Variants in NEDD8 observed in about 807,000 individuals in gnomAD.
NEDD8 encodes ubiquitin-like protein NEDD8.
NEDD8 carries 1 observed loss-of-function variant against 13.8 expected under a neutral mutation model. The observed-to-expected ratio is 0.07, with a 90% CI of 0.03 to 0.34. NEDD8 has a LOEUF of 0.34. NEDD8 is among the 10% of genes least tolerant of loss of function. The probability of loss-of-function intolerance (pLI) is 0.99; values close to 1 mark genes in which losing one functional copy is unlikely to be tolerated. For missense variants in NEDD8, 10 were observed against 95.2 expected (o/e 0.10, Z 3.73); for synonymous variants, 31 against 33.2 (o/e 0.93, Z 0.23).
intron 1 of NEDD8, among the ~76,000 whole-genome samples, chr14:24,219,380 G>T (rs1019827329): frequency 1.3e-5 from 2 of 149,346 alleles, no homozygotes; most frequent in Non-Finnish European, 3.0e-5. Context: ...CTATTTGGGA[G>T]GCTGAGGTGG....
At chr14:24,223,533 AG>A (rs1566666706) in intron 1 of NEDD8, among the ~76,000 whole-genome samples, 1 of 152,098 alleles carries the variant, frequency 6.6e-6, no homozygotes, top group East Asian at 1.9e-4. Context: ...CATACTTAAA[AG>A]TTTTTTATAT....
At chr14:24,226,066 C>T (rs1006575325) in intron 1 of NEDD8, among the ~76,000 whole-genome samples, 7 of 145,360 alleles carry the variant, frequency 4.8e-5, no homozygotes, top group Non-Finnish European at 1.1e-4. Flanking sequence ...TGAACCTAAA[C>T]CTAACATACT....
intron 1 of NEDD8, among the ~76,000 whole-genome samples, chr14:24,224,283 C>T (rs916679404): frequency 9.9e-5 from 15 of 152,082 alleles, no homozygotes; most frequent in African/African-American, 3.4e-4. Flanking sequence ...ATGCTGGTCT[C>T]GAACTCCTGA....
chr14:24,223,021 G>A lies in NEDD8; in HGVS notation c.19-4590C>T, dbSNP rs189786161. 3.5e-4 allele frequency among the ~76,000 whole-genome samples: 53 copies of A among 150,444 alleles called. No homozygotes were observed. In the East Asian group the frequency reaches 5.4e-3, roughly 15 times the overall value. On this transcript the variant is annotated intron_variant, in intron 1 of 3. Coordinates refer to ENST00000250495, the MANE Select transcript of NEDD8 (RefSeq NM_006156.3). ...GAATCGCCTGAACCCAGGAGGCGGA[G>A]GTTACGGTGAGCTGAGATCATGCCA...
rs987121962 is a variant in NEDD8 at position 24,216,946 on chromosome 14, G to A, written c.*181C>T. ...CAGGACTGCAAACTAACACCCAGTAGCCAGCAAGGGCCCTCTGGGCCAGGA... is the reference window on the plus strand; with the variant it reads ...CAGGACTGCAAACTAACACCCAGTAACCAGCAAGGGCCCTCTGGGCCAGGA... On this transcript the variant is annotated 3_prime_UTR_variant, in exon 4 of 4. Coordinates refer to ENST00000250495, the MANE Select transcript of NEDD8 (RefSeq NM_006156.3). The A allele has an allele frequency of 3.4e-6, 2 of 591,728 alleles. No homozygotes were observed. The highest frequency in any genetic ancestry group is 2.2e-5 in the South Asian group (1 of 44,576). 36.7% of individuals were successfully genotyped at this position (591,728 alleles called of 1,614,324 possible).
At chr14:24,229,052 T>C (rs145193646) in intron 1 of NEDD8, among the ~76,000 whole-genome samples, 128 of 152,288 alleles carry the variant, frequency 8.4e-4, no homozygotes, top group Admixed American at 6.9e-3. Context: ...ATTCAAAGTG[T>C]AGCTCTCAGA....
chr14:24,217,843 C>A, intron 3 of NEDD8: 1 of 310,554 alleles, frequency 3.2e-6, no homozygotes, highest in Non-Finnish European at 5.9e-6. Context: ...TTAGACCTAC[C>A]ATTAGATCTT....
intron 3 of NEDD8, chr14:24,217,693 A>G (rs2039733298): frequency 5.9e-6 from 1 of 169,454 alleles, no homozygotes; most frequent in Non-Finnish European, 1.3e-5. Flanking sequence ...CTGAAATTTA[A>G]CATTTCTTCT....
chr14:24,219,607 CGT>C (rs2039767912), intron 1 of NEDD8, among the ~76,000 whole-genome samples: 1 of 151,954 alleles, frequency 6.6e-6, no homozygotes, highest in African/African-American at 2.4e-5. Context: ...TGTCTTCTTC[CGT>C]AAGTTAAGGG....
intron 1 of NEDD8, among the ~76,000 whole-genome samples, chr14:24,229,240 G>A (rs1238271514): frequency 6.6e-6 from 1 of 152,032 alleles, no homozygotes; most frequent in Non-Finnish European, 1.5e-5. Context: ...TTTATTTTTT[G>A]AGACAGTCTC....
At position 24,217,968 on chromosome 14, in the gene NEDD8, G is replaced by GA; in HGVS notation, c.149+164dup. ...ATTCTATATATTTTGTTTTATGCCT[G>GA]AAAAAATCTTATTCTGAGAAGGGGC... On this transcript the variant is annotated intron_variant, in intron 3 of 3. Transcript: ENST00000250495. 4.4e-6 allele frequency: 3 copies of GA among 675,790 alleles called. 1 individual carries two copies. The highest frequency in any genetic ancestry group is 6.5e-5 in the Admixed American group (2 of 30,816). 41.9% of individuals were successfully genotyped at this position (675,790 alleles called of 1,614,324 possible). A position where few individuals can be genotyped will look rare whatever the true frequency, so the allele number is the denominator to read the frequency against.
intron 1 of NEDD8, among the ~76,000 whole-genome samples, chr14:24,221,771 A>AT (rs1218823286): frequency 6.6e-6 from 1 of 150,794 alleles, no homozygotes; most frequent in Non-Finnish European, 1.5e-5. Flanking sequence ...CTAATTTTGT[A>AT]TTTTTAGTAG....
At chr14:24,230,755 T>C (rs1213692392) in intron 1 of NEDD8, among the ~76,000 whole-genome samples, 3 of 151,314 alleles carry the variant, frequency 2.0e-5, no homozygotes, top group Admixed American at 2.0e-4. Flanking sequence ...GTAGCTGGGA[T>C]TATAGGCGCC....
At position 24,218,352 on chromosome 14, in the gene NEDD8, A is replaced by AAGT. The variant is rs1465720988; in HGVS notation, c.66+29_66+31dup. ...TATGCAAACAAATACACATGGCAAGAAGTACATGAAGAGGAGTTGGGCATG... is the reference window on the plus strand; with the variant it reads ...TATGCAAACAAATACACATGGCAAGAAGTAGTACATGAAGAGGAGTTGGGCATG... On this transcript the variant is annotated intron_variant, in intron 2 of 3. Transcript: ENST00000250495. 5 of 1,614,124 alleles carry AAGT rather than the reference A, an allele frequency of 3.1e-6. No homozygotes were observed. In the Admixed American group the frequency reaches 8.3e-5, roughly 27 times the overall value.
At chr14:24,227,710 A>G (rs1312121268) in intron 1 of NEDD8, 2 of 152,254 alleles carry the variant, frequency 1.3e-5, no homozygotes, top group Non-Finnish European at 2.9e-5. Flanking sequence ...CCATAGAGAC[A>G]AGGTAACAAG....
chr14:24,232,240 G>A lies in NEDD8; in HGVS notation c.18+10C>T. The A allele has an allele frequency of 2.5e-6, 4 of 1,614,106 alleles. No homozygotes were observed. The highest frequency in any genetic ancestry group is 3.4e-6 in the Non-Finnish European group (4 of 1,180,002). ...CTACTGCGTCTTGGCAAGGCTGGAG[G>A]TGCTCCCACCTTCACTTTAATTAGC... On this transcript the variant is annotated intron_variant, in intron 1 of 3. Transcript: ENST00000250495.
intron 1 of NEDD8, chr14:24,226,788 T>C (rs548901756): frequency 3.3e-5 from 5 of 152,334 alleles, no homozygotes; most frequent in African/African-American, 1.2e-4. Context: ...AGTTTCTTTT[T>C]AAAGTTACAT....
At position 24,217,050 on chromosome 14, in the gene NEDD8, A is replaced by G. The variant is rs1048022917; in HGVS notation, c.*77T>C. 1.6e-5 allele frequency: 19 copies of G among 1,167,512 alleles called. No homozygotes were observed. The highest frequency in any genetic ancestry group is 2.4e-5 in the Non-Finnish European group (19 of 802,608). 72.3% of individuals were successfully genotyped at this position (1,167,512 alleles called of 1,614,324 possible). A position where few individuals can be genotyped will look rare whatever the true frequency, so the allele number is the denominator to read the frequency against. On this transcript the variant is annotated 3_prime_UTR_variant, in exon 4 of 4. Transcript: ENST00000250495. Reference sequence around the variant, plus strand: ...GCATCCAGGGGAGGGGGCAGTGGCTATGGTGTCCCAGAGAGTGAGAGGATA... The same window carrying G: ...GCATCCAGGGGAGGGGGCAGTGGCTGTGGTGTCCCAGAGAGTGAGAGGATA...
chr14:24,231,361 G>T (rs1038761896), intron 1 of NEDD8, among the ~76,000 whole-genome samples: 1 of 152,094 alleles, frequency 6.6e-6, no homozygotes, highest in African/African-American at 2.4e-5. Context: ...GGAAGAGAAG[G>T]TTAAGAATGA....
Sources: gnomAD v4.1 joint callset for allele counts (sites outside exome capture counted in the v4.1 genomes callset) on GRCh38, gnomAD v4.1.1 for gene constraint, MANE v1.5 for transcripts, NCBI Gene and HGNC (gene_info 2026-07-23, HGNC 2026-07-21) for gene names.